Variants in SNX29 observed in about 807,000 individuals in gnomAD.
The protein encoded by SNX29 is sorting nexin 29.
A neutral mutation model predicts 102.1 loss-of-function variants in SNX29; 78 were observed. The observed-to-expected ratio is 0.76, with a 90% confidence interval of 0.64 to 0.92. SNX29 has a LOEUF of 0.92. Among genes scored for constraint, SNX29 ranks in the 40% least tolerant of loss-of-function variants. The pLI, the probability that SNX29 is intolerant of heterozygous loss-of-function variation, is 0.00. For missense variants in SNX29, 1,280 were observed against 1,061.7 expected (o/e 1.21, Z -2.86); for synonymous variants, 580 against 414.5 (o/e 1.40, Z -4.85).
intron 13 of SNX29, among the ~76,000 whole-genome samples, chr16:12,191,021 A>G (rs769316084): frequency 1.3e-5 from 2 of 152,268 alleles, no homozygotes; most frequent in Admixed American, 1.3e-4. Flanking sequence ...TTTTGGCACC[A>G]GGGACTGGTT....
chr16:12,489,146 C>A (rs1283120811), intron 19 of SNX29, among the ~76,000 whole-genome samples: 1 of 152,096 alleles, frequency 6.6e-6, no homozygotes, highest in Non-Finnish European at 1.5e-5. Context: ...TGGCTCTTAC[C>A]CTTTTGAGTA....
At chr16:12,462,323 G>T (rs1393607364) in intron 18 of SNX29, among the ~76,000 whole-genome samples, 2 of 151,978 alleles carry the variant, frequency 1.3e-5, no homozygotes, top group Admixed American at 1.3e-4. Flanking sequence ...GCCTTTTCAA[G>T]TACCTCTACA....
At chr16:12,045,206 C>T (rs890161890) in intron 5 of SNX29, among the ~76,000 whole-genome samples, 1 of 152,302 alleles carries the variant, frequency 6.6e-6, no homozygotes, top group East Asian at 1.9e-4. Flanking sequence ...ATTGGAAATG[C>T]GCCTCTTCTT....
At position 12,524,837 on chromosome 16, in the gene SNX29, T is replaced by C. The variant is rs376927002; in HGVS notation, c.2314T>C (p.Phe772Leu). 5.0e-6 allele frequency: 8 copies of C among 1,613,184 alleles called. No homozygotes were observed. Among genetic ancestry groups the C allele is most frequent in the African/African-American group, 1.3e-5 (1 of 74,830 alleles). ...GACCCTCATCCAGCTGATGCCCTTCTTCGTGTAAGTACTGCTCCCACGGAC... is the reference window on the plus strand; with the variant it reads ...GACCCTCATCCAGCTGATGCCCTTCCTCGTGTAAGTACTGCTCCCACGGAC... ...KETLIQLMPF[F>L]VDITPPGEPV... Residue 772 changes from phenylalanine (F) to leucine (L), a missense_variant, in exon 20 of 21, where the codon TTC becomes CTC. Physicochemically the swap from Phe to Leu is conservative, Grantham distance 22. Coordinates refer to ENST00000566228, the MANE Select transcript of SNX29 (RefSeq NM_032167.5).
At chr16:12,225,365 G>A (rs1001771006) in intron 14 of SNX29, among the ~76,000 whole-genome samples, 13 of 152,120 alleles carry the variant, frequency 8.5e-5, no homozygotes, top group South Asian at 2.1e-4. Context: ...GGAGGATCCC[G>A]GTGGGAGGTA....
intron 11 of SNX29, among the ~76,000 whole-genome samples, chr16:12,107,236 C>A (rs904047987): frequency 1.3e-5 from 2 of 151,980 alleles, no homozygotes; most frequent in Non-Finnish European, 1.5e-5. Flanking sequence ...CCAGCCAAGG[C>A]GCTTCAGTTA....
chr16:12,331,024 C>G (rs1023968997), intron 15 of SNX29, among the ~76,000 whole-genome samples: 7 of 152,240 alleles, frequency 4.6e-5, no homozygotes, highest in Non-Finnish European at 7.3e-5. Context: ...TTCTTTGGGC[C>G]TCTGTAGCCA....
intron 20 of SNX29, among the ~76,000 whole-genome samples, chr16:12,564,492 T>C (rs932467279): frequency 1.3e-5 from 2 of 152,134 alleles, no homozygotes; most frequent in Non-Finnish European, 2.9e-5. Context: ...AGGTCTAGAG[T>C]GTCTTAACAG....
chr16:12,017,007 G>C (rs890724664), intron 3 of SNX29, among the ~76,000 whole-genome samples: 1 of 151,940 alleles, frequency 6.6e-6, no homozygotes, highest in Non-Finnish European at 1.5e-5. Context: ...GGTAGCGCCT[G>C]TGGTCTCAGC....
intron 20 of SNX29, chr16:12,561,281 G>A (rs75659194): frequency 0.023 from 5,217 of 230,390 alleles, 395 homozygotes; most frequent in East Asian, 0.15. Flanking sequence ...CTAAGACACA[G>A]GGAGAACATT....
intron 18 of SNX29, among the ~76,000 whole-genome samples, chr16:12,460,920 C>T (rs1461445700): frequency 6.6e-6 from 1 of 152,112 alleles, no homozygotes; most frequent in Non-Finnish European, 1.5e-5. Context: ...GTATTACAGG[C>T]GTGAGCCACC....
chr16:12,271,626 C>G (rs182418990), intron 14 of SNX29, among the ~76,000 whole-genome samples: 2 of 144,690 alleles, frequency 1.4e-5, no homozygotes, highest in Non-Finnish European at 3.1e-5. Flanking sequence ...TTGGAACCAT[C>G]TTTTTTTTTT....
At chr16:12,408,189 T>TAAAAAAAAA (rs2084253242) in intron 18 of SNX29, among the ~76,000 whole-genome samples, 1 of 123,054 alleles carries the variant, frequency 8.1e-6, no homozygotes, top group Non-Finnish European at 1.8e-5. Context: ...AAAAAAAAAC[T>TAAAAAAAAA]AGAAGCAGCT....
At chr16:12,556,819 C>G (rs892604545) in intron 20 of SNX29, among the ~76,000 whole-genome samples, 5 of 151,956 alleles carry the variant, frequency 3.3e-5, no homozygotes, top group Admixed American at 6.6e-5. Flanking sequence ...GTACAGAAGC[C>G]CAGAGGAGGA....
intron 1 of SNX29, among the ~76,000 whole-genome samples, chr16:11,997,395 C>T (rs2056116917): frequency 6.6e-6 from 1 of 152,160 alleles, no homozygotes; most frequent in Non-Finnish European, 1.5e-5. Context: ...AGCCTTCTTG[C>T]TTCCTCCCTA....
chr16:12,476,226 G>A (rs1354781177), intron 18 of SNX29, among the ~76,000 whole-genome samples: 1 of 149,066 alleles, frequency 6.7e-6, no homozygotes, highest in Non-Finnish European at 1.5e-5. Context: ...GGAGGCTGAG[G>A]CAGGAGAATC....
intron 13 of SNX29, chr16:12,135,736 G>C (rs2054635925): frequency 3.0e-6 from 2 of 666,912 alleles, no homozygotes; most frequent in Non-Finnish European, 4.6e-6. Flanking sequence ...TTCATTCCTT[G>C]AGCCATTTGT....
intron 18 of SNX29, among the ~76,000 whole-genome samples, chr16:12,443,923 A>C (rs1239755203): frequency 1.3e-5 from 2 of 152,246 alleles, no homozygotes; most frequent in Non-Finnish European, 2.9e-5. Context: ...CATAGCACCT[A>C]GCATGTAATA....
chr16:12,454,753 C>T (rs1312974745), intron 18 of SNX29, among the ~76,000 whole-genome samples: 6 of 151,466 alleles, frequency 4.0e-5, no homozygotes, highest in African/African-American at 1.2e-4. Flanking sequence ...GGAGTCTCAC[C>T]CTGTCACCCA....
Sources: gnomAD v4.1 joint callset for allele counts (sites outside exome capture counted in the v4.1 genomes callset) on GRCh38, gnomAD v4.1.1 for gene constraint, MANE v1.5 for transcripts, NCBI Gene and HGNC (gene_info 2026-07-23, HGNC 2026-07-21) for gene names.